The following RGS12 variants were observed in gnomAD, a reference collection of about 807,000 sequenced individuals.
RGS12 encodes regulator of G protein signaling 12, also known as regulator of G-protein signaling 12.
RGS12 carries 66 observed loss-of-function variants against 120.1 expected under a neutral mutation model. The observed-to-expected ratio is 0.55, with a 90% confidence interval of 0.45 to 0.67. RGS12 has a LOEUF of 0.67. Ranked by LOEUF, RGS12 falls within the 30% of genes least tolerant of loss-of-function variation. The pLI is 0.00. For missense variants in RGS12, 1,859 were observed against 1,957.7 expected, an observed-to-expected ratio of 0.95 and a Z score of 0.95; for synonymous variants, 827 against 804.7, an observed-to-expected ratio of 1.03 and a Z score of -0.47.
intron 15 of RGS12, 180 bp from the exon 16 acceptor site, chr4:3,428,378 G>A: frequency 1.3e-6 from 1 of 760,804 alleles, no homozygotes; most frequent in Admixed American, 2.5e-5. Flanking sequence ...GGTGGGAGTG[G>A]TTGTGCCTTA....
rs371939967 is a variant in RGS12, at chr4:3,425,488, C to T, written c.3259C>T (p.Leu1087Phe). The T allele has an allele frequency of 1.4e-5, 22 of 1,612,168 alleles. No homozygotes were observed. The highest frequency in any genetic ancestry group is 1.8e-5 in the Non-Finnish European group (21 of 1,179,796). The change falls in exon 14 of 18, where the codon CTT becomes TTT. Residue 1087 changes from leucine to phenylalanine, a missense_variant. By Grantham distance (22) the Leu-to-Phe change is conservative. This residue lies in a region of RGS12 where 517 missense variants were observed against 488.5 expected (regional missense o/e 1.06). Transcript: ENST00000336727. Reference sequence around the variant, plus strand: ...GAGTGGAGAGAAGGAGCCCCTGGACCTTGGCGCCCCTATATCGAGTCTGGA... The same window carrying T: ...GAGTGGAGAGAAGGAGCCCCTGGACTTTGGCGCCCCTATATCGAGTCTGGA... ...RLSGEKEPLD[L>F]GAPISSLDGQ...
At chr4:3,383,811 A>G (rs1718525220) in intron 3 of RGS12, among the ~76,000 whole-genome samples, 1 of 152,014 alleles carries the variant, frequency 6.6e-6, no homozygotes, top group South Asian at 2.1e-4. Context: ...GCCCATGCCC[A>G]TATTCTTTGG....
At chr4:3,293,310 C>CG (rs1560632396) in intron 1 of RGS12, among the ~76,000 whole-genome samples, 2 of 142,298 alleles carry the variant, frequency 1.4e-5, no homozygotes, top group South Asian at 2.2e-4. Flanking sequence ...CGGCGCGGGG[C>CG]GGGGCGGGGC....
intron 5 of RGS12, 83 bp from the exon 6 acceptor site, chr4:3,414,669 C>T (rs887679710): frequency 1.0e-6 from 1 of 984,076 alleles, no homozygotes; most frequent in African/African-American, 1.6e-5. Context: ...CAGCCAGTGA[C>T]CCCGTGGTTT....
intron 1 of RGS12, chr4:3,314,800 A>G (rs1560651155): frequency 1.3e-5 from 2 of 152,204 alleles, no homozygotes; most frequent in African/African-American, 4.8e-5. Flanking sequence ...GTGATCTTTA[A>G]AGAGTCTTGC....
rs1402918825 is a variant in RGS12 at position 3,428,145 on chromosome 4, C to T, written c.3387C>T (p.Ser1129=). 1.2e-6 allele frequency: 2 copies of T among 1,613,678 alleles called. No individual in the cohort carries two copies. Among genetic ancestry groups the T allele is most frequent in the East Asian group, 4.5e-5 (2 of 44,886 alleles). Residue 1129 remains serine (S), a synonymous_variant, in exon 15 of 18, where the codon TCC becomes TCT. Coordinates refer to ENST00000336727, the MANE Select transcript of RGS12 (RefSeq NM_001394154.1). ...TGAAACAGAACACAGCTGTAAATTCCAGCTCCAGAAACCACTCGGCTACGG... is the reference window on the plus strand; with the variant it reads ...TGAAACAGAACACAGCTGTAAATTCTAGCTCCAGAAACCACTCGGCTACGG... ...VPVKQNTAVN[S]SSRNHSATGE... is the part of the protein sequence containing the mutation.
chr4:3,328,093 A>G (rs1030625829), intron 2 of RGS12, among the ~76,000 whole-genome samples: 3 of 152,264 alleles, frequency 2.0e-5, no homozygotes, highest in African/African-American at 7.2e-5. Context: ...TCACAGCCAC[A>G]TGGATGGAAT....
intron 17 of RGS12, 130 bp downstream of exon 17, chr4:3,431,085 C>T (rs958638488): frequency 6.9e-7 from 1 of 1,455,418 alleles, no homozygotes. Context: ...TCCTCACCTG[C>T]TGGTTGGGGG....
intron 3 of RGS12, among the ~76,000 whole-genome samples, chr4:3,376,756 G>C (rs142487991): frequency 8.2e-4 from 125 of 152,324 alleles, no homozygotes; most frequent in Admixed American, 1.4e-3. Flanking sequence ...TAGTGGAGCA[G>C]AGAGCACCCC....
At chr4:3,329,715 A>T (rs1711626124) in intron 2 of RGS12, among the ~76,000 whole-genome samples, 1 of 152,222 alleles carries the variant, frequency 6.6e-6, no homozygotes, top group Admixed American at 6.5e-5. Flanking sequence ...AATCTGTATC[A>T]GGTGTAATTT....
chr4:3,396,167 C>T (rs528642762), intron 4 of RGS12, among the ~76,000 whole-genome samples: 6 of 152,022 alleles, frequency 3.9e-5, no homozygotes, highest in African/African-American at 9.6e-5. Flanking sequence ...ACTGTGGGTG[C>T]GGAGGGCTGG....
intron 3 of RGS12, among the ~76,000 whole-genome samples, chr4:3,358,269 C>T (rs1190329316): frequency 6.6e-6 from 1 of 152,090 alleles, no homozygotes; most frequent in Non-Finnish European, 1.5e-5. Flanking sequence ...AAATATCTTA[C>T]CATCTGTGAA....
At chr4:3,319,037 G>T (rs977321384) in intron 2 of RGS12, among the ~76,000 whole-genome samples, 2 of 152,202 alleles carry the variant, frequency 1.3e-5, no homozygotes, top group Admixed American at 6.5e-5. Flanking sequence ...AGGCAGGGCC[G>T]GGGAGTAGGA....
intron 4 of RGS12, chr4:3,407,275 T>C (rs1219016118): frequency 1.3e-5 from 2 of 152,220 alleles, no homozygotes; most frequent in African/African-American, 4.8e-5. Flanking sequence ...TATGCATGCG[T>C]CTTCGGCAAG....
At chr4:3,423,933 A>G (rs1229854332) in intron 13 of RGS12, 3 of 321,010 alleles carry the variant, frequency 9.3e-6, no homozygotes, top group South Asian at 7.3e-5. Flanking sequence ...ACCCTGGACT[A>G]TCCTCCGCTG....
rs552010061 is a variant in RGS12, at chr4:3,316,821, C to T, written c.651C>T (p.Asp217=). 1.5e-5 allele frequency: 24 copies of T among 1,614,128 alleles called. No individual in the cohort carries two copies. In the East Asian group the frequency reaches 2.5e-4, roughly 16 times the overall value. Residue 217 remains aspartate (D), a synonymous_variant, in exon 2 of 18, where the codon GAC becomes GAT. Coordinates refer to ENST00000336727, the MANE Select transcript of RGS12 (RefSeq NM_001394154.1). The part of the protein sequence containing the change: ...SVFSIGLESH[D]DFALDASILN... The stretch of plus-strand genomic sequence containing the variant: ...TCAGCATTGGACTAGAAAGTCATGA[C>T]GATTTTGCATTGGATGCAAGTATTT...
chr4:3,288,317 C>T (rs775475846), upstream of RGS12, among the ~76,000 whole-genome samples: 5 of 152,052 alleles, frequency 3.3e-5, no homozygotes, highest in Admixed American at 6.5e-5. The surrounding 1 kb of genome is among the most constrained non-coding windows in gnomAD (Gnocchi z 5.2). Flanking sequence ...AAGGGGGCCC[C>T]GTGGGTGTGG....
intron 2 of RGS12, among the ~76,000 whole-genome samples, chr4:3,331,737 C>T (rs994606253): frequency 6.6e-5 from 10 of 152,188 alleles, no homozygotes; most frequent in African/African-American, 1.9e-4. Flanking sequence ...GGGCCAGCAT[C>T]GCACTGCTCT....
chr4:3,298,669 T>C (rs2110351932), intron 1 of RGS12, among the ~76,000 whole-genome samples: 1 of 152,336 alleles, frequency 6.6e-6, no homozygotes, highest in South Asian at 2.1e-4. Flanking sequence ...TCCAGCAGTT[T>C]GATTGTGATG....
Sources: allele counts gnomAD v4.1 joint callset (sites outside exome capture counted in the v4.1 genomes callset), GRCh38; gene constraint gnomAD v4.1.1; regional missense constraint gnomAD v4.1.1; non-coding constraint Gnocchi (gnomAD v3.1); transcripts MANE v1.5; gene names NCBI Gene and HGNC (gene_info 2026-07-23, HGNC 2026-07-21).